TBC1D19: variants seen among roughly 807,000 people sequenced by gnomAD.
The protein encoded by TBC1D19 is TBC1 domain family, member 19.
A neutral mutation model predicts 89.0 loss-of-function variants in TBC1D19; 60 were observed. The observed-to-expected ratio is 0.67, with a 90% CI of 0.55 to 0.84. The LOEUF (loss-of-function observed/expected upper bound fraction) is 0.84, where lower values mean the gene tolerates loss of function less well. TBC1D19 is among the 40% of genes least tolerant of loss of function. The pLI is 0.00. For missense variants in TBC1D19, 500 were observed against 610.8 expected, an observed-to-expected ratio of 0.82 and a Z score of 1.91; for synonymous variants, 189 against 199.7, an observed-to-expected ratio of 0.95 and a Z score of 0.45.
chr4:26,694,098 G>C (rs62412678), intron 13 of TBC1D19, among the ~76,000 whole-genome samples: 1 of 151,830 alleles, frequency 6.6e-6, no homozygotes, highest in Non-Finnish European at 1.5e-5. Flanking sequence ...GCAGGGTGAG[G>C]CATTGCCTCA....
chr4:26,604,398 C>T (rs1285619811), intron 1 of TBC1D19, among the ~76,000 whole-genome samples: 2 of 151,036 alleles, frequency 1.3e-5, no homozygotes, highest in African/African-American at 2.4e-5. Flanking sequence ...GTGATCCGCC[C>T]GCCTCGGCCT....
chr4:26,777,479 C>T, the TBC1D19 span, among the ~76,000 whole-genome samples: 3 of 151,866 alleles, frequency 2.0e-5, no homozygotes, highest in East Asian at 5.8e-4. Context: ...CTCTCTGTCC[C>T]TCAGGCTGGA....
At chr4:26,708,355 A>G (rs1715896270) in intron 13 of TBC1D19, among the ~76,000 whole-genome samples, 2 of 152,002 alleles carry the variant, frequency 1.3e-5, no homozygotes, top group African/African-American at 4.8e-5. Context: ...AGGATCCTTT[A>G]TATTTAATGA....
At chr4:26,726,241 T>G (rs1717315735) in intron 15 of TBC1D19, among the ~76,000 whole-genome samples, 1 of 151,768 alleles carries the variant, frequency 6.6e-6, no homozygotes, top group Non-Finnish European at 1.5e-5. Context: ...AGAGGGATGC[T>G]GATAAACGTC....
At chr4:26,779,936 C>T in the TBC1D19 span, among the ~76,000 whole-genome samples, 13 of 152,190 alleles carry the variant, frequency 8.5e-5, no homozygotes, top group African/African-American at 2.9e-4. Context: ...AAAGTTTTGA[C>T]TCATCCCCTG....
chr4:26,734,359 T>G (rs1560503339), intron 15 of TBC1D19, among the ~76,000 whole-genome samples: 1 of 152,212 alleles, frequency 6.6e-6, no homozygotes, highest in Non-Finnish European at 1.5e-5. Context: ...TCTATATTAT[T>G]TTTCAAAAAT....
chr4:26,831,301 G>A, the TBC1D19 span, among the ~76,000 whole-genome samples: 1 of 152,308 alleles, frequency 6.6e-6, no homozygotes, highest in Middle Eastern at 3.4e-3. Flanking sequence ...TCTGAGAAAT[G>A]CAATCTCTTA....
At chr4:26,853,586 GGA>G in the TBC1D19 span, among the ~76,000 whole-genome samples, 1 of 151,876 alleles carries the variant, frequency 6.6e-6, no homozygotes, top group Non-Finnish European at 1.5e-5. Flanking sequence ...CGCCCAGGCT[GGA>G]GTGCAGTGGT....
chr4:26,696,277 G>A (rs1367014365), intron 13 of TBC1D19, among the ~76,000 whole-genome samples: 2 of 152,172 alleles, frequency 1.3e-5, no homozygotes, highest in African/African-American at 4.8e-5. Flanking sequence ...ATTACATAAT[G>A]GTAAAGGGAT....
At chr4:26,639,070 A>T (rs536606603) in intron 6 of TBC1D19, among the ~76,000 whole-genome samples, 2 of 152,290 alleles carry the variant, frequency 1.3e-5, no homozygotes, top group African/African-American at 4.8e-5. Context: ...GTTTTTAGAG[A>T]CAGGTTCTTG....
At chr4:26,851,304 C>CCTCTCTATCTATCTATCTGTCTGT in the TBC1D19 span, among the ~76,000 whole-genome samples, 143 of 147,084 alleles carry the variant, frequency 9.7e-4, no homozygotes, top group African/African-American at 3.6e-3. Context: ...TAATAAATAC[C>CCTCTCTATCTATCTATCTGTCTGT]CTATCTATCT....
rs940269061 is a variant in TBC1D19, at chr4:26,626,261, A to G, written c.294+5573A>G. On this transcript the variant is annotated intron_variant, in intron 4 of 20. Transcript: ENST00000264866. ...AATTTTATTTAATCCAGTGTTGTTC[A>G]AGCTTACTGATCATGAAACCCTATT... Among the ~76,000 whole-genome samples, 7 of 152,290 alleles carry G rather than the reference A, an allele frequency of 4.6e-5. No individual in the cohort carries two copies. The East Asian group carries it at 1.3e-3, about 29-fold the overall frequency.
chr4:26,679,385 T>TGTG (rs1268001960), intron 11 of TBC1D19, among the ~76,000 whole-genome samples: 1 of 152,082 alleles, frequency 6.6e-6, no homozygotes, highest in East Asian at 1.9e-4. Flanking sequence ...GCAGCTTCCA[T>TGTG]GTGGTGGTGG....
chr4:26,639,223 A>G (rs1010531834), intron 6 of TBC1D19, among the ~76,000 whole-genome samples: 1 of 151,730 alleles, frequency 6.6e-6, no homozygotes, highest in East Asian at 1.9e-4. Flanking sequence ...TAATTTTTTT[A>G]TTTTTTGTAG....
chr4:26,613,634 G>T (rs1286268549), intron 2 of TBC1D19, among the ~76,000 whole-genome samples: 1 of 152,086 alleles, frequency 6.6e-6, no homozygotes, highest in Admixed American at 6.6e-5. Context: ...TAACAAAATG[G>T]TGCAAAAATT....
the TBC1D19 span, among the ~76,000 whole-genome samples, chr4:26,775,327 G>A: frequency 2.0e-5 from 3 of 152,102 alleles, no homozygotes; most frequent in African/African-American, 2.4e-5. Flanking sequence ...AGTGGCACAC[G>A]CCTATGGTCC....
intron 7 of TBC1D19, among the ~76,000 whole-genome samples, chr4:26,643,725 T>TA (rs1743712795): frequency 1.3e-5 from 2 of 151,904 alleles, no homozygotes; most frequent in Non-Finnish European, 2.9e-5. Flanking sequence ...ATAGATGCAA[T>TA]AAAAAATGCT....
chr4:26,739,623 C>A (rs1718232861), intron 16 of TBC1D19, among the ~76,000 whole-genome samples: 1 of 151,932 alleles, frequency 6.6e-6, no homozygotes, highest in African/African-American at 2.4e-5. Context: ...TCTTAGGCAT[C>A]TGTTAAATTG....
intron 7 of TBC1D19, among the ~76,000 whole-genome samples, chr4:26,652,141 T>G (rs915136556): frequency 3.9e-5 from 6 of 152,054 alleles, no homozygotes; most frequent in African/African-American, 1.4e-4. Context: ...ATGTTTGCAT[T>G]GATGTTGATC....
Sources: allele counts gnomAD v4.1 joint callset (sites outside exome capture counted in the v4.1 genomes callset), GRCh38; gene constraint gnomAD v4.1.1; transcripts MANE v1.5; gene names NCBI Gene and HGNC (gene_info 2026-07-23, HGNC 2026-07-21).